Variants in ALOX5 observed in about 807,000 individuals in gnomAD.
The protein encoded by ALOX5 is arachidonate 5-lipoxygenase, also known as polyunsaturated fatty acid 5-lipoxygenase.
ALOX5 carries 64 observed loss-of-function variants against 87.9 expected under a neutral mutation model. The observed-to-expected ratio is 0.73, with a 90% CI of 0.60 to 0.90. The LOEUF (loss-of-function observed/expected upper bound fraction) is 0.90. Ranked by LOEUF, ALOX5 falls within the 40% of genes least tolerant of loss-of-function variation. ALOX5 has a pLI of 0.00. For synonymous variants in ALOX5, 388 were observed against 355.1 expected (o/e 1.09, Z -1.04); for missense variants, 822 against 907.5 (o/e 0.91, Z 1.21).
chr10:45,408,244 G>A (rs554585706), intron 3 of ALOX5, among the ~76,000 whole-genome samples: 2 of 152,278 alleles, frequency 1.3e-5, no homozygotes, highest in African/African-American at 4.8e-5. Context: ...GCAGCCCCAG[G>A]AGATCCTGAG....
At chr10:45,433,454 T>G (rs1159575901) in intron 7 of ALOX5, among the ~76,000 whole-genome samples, 1 of 152,204 alleles carries the variant, frequency 6.6e-6, no homozygotes, top group Non-Finnish European at 1.5e-5. Flanking sequence ...GAGATTGGGA[T>G]ATAATCTACG....
intron 3 of ALOX5, among the ~76,000 whole-genome samples, chr10:45,400,579 A>G (rs559113313): frequency 9.2e-5 from 14 of 152,342 alleles, no homozygotes; most frequent in African/African-American, 3.1e-4. Flanking sequence ...AGCCTGGGTG[A>G]CAGAGCAAGA....
At chr10:45,399,150 G>A (rs1041640748) in intron 3 of ALOX5, among the ~76,000 whole-genome samples, 6 of 152,172 alleles carry the variant, frequency 3.9e-5, no homozygotes, top group Non-Finnish European at 7.3e-5. Context: ...GTTACAACAT[G>A]GATGAATCTC....
chr10:45,416,476 A>G (rs1841293033), intron 4 of ALOX5, among the ~76,000 whole-genome samples: 1 of 152,118 alleles, frequency 6.6e-6, no homozygotes, highest in Non-Finnish European at 1.5e-5. Flanking sequence ...CTACTCTGGG[A>G]TTGGGATTGT....
intron 2 of ALOX5, among the ~76,000 whole-genome samples, chr10:45,392,190 A>G (rs1421380803): frequency 6.6e-6 from 1 of 152,042 alleles, no homozygotes; most frequent in Admixed American, 6.5e-5. Context: ...CCTGGCCACC[A>G]CCCCATCTGG....
chr10:45,383,505 A>G (rs974627090), intron 2 of ALOX5, among the ~76,000 whole-genome samples: 4 of 152,254 alleles, frequency 2.6e-5, no homozygotes, highest in Non-Finnish European at 5.9e-5. Context: ...TTCAAAGGCC[A>G]GGCAGCCACC....
intron 3 of ALOX5, among the ~76,000 whole-genome samples, chr10:45,398,148 T>C (rs1840577844): frequency 6.6e-6 from 1 of 152,208 alleles, no homozygotes; most frequent in African/African-American, 2.4e-5. Flanking sequence ...AGGATAGATA[T>C]ATAGATCAAT....
chr10:45,376,343 G>A (rs1002524994), intron 1 of ALOX5, among the ~76,000 whole-genome samples: 17 of 53,690 alleles, frequency 3.2e-4, no homozygotes, highest in South Asian at 3.0e-3. Context: ...GCGGGGGGTG[G>A]TTGGGGGTGG....
chr10:45,374,351 C>T lies in ALOX5; in HGVS notation c.72C>T (p.Leu24=). 1 of 1,541,336 alleles carries T rather than the reference C, an allele frequency of 6.5e-7. No individual in the cohort carries two copies. The highest frequency in any genetic ancestry group is 1.4e-5 in the African/African-American group (1 of 70,598). ...WFAGTDDYIY[L]SLVGSAGCSE... ...CCGGCACTGACGACTACATCTACCT[C>T]AGCCTCGTGGGCTCGGCGGGCTGCA... Residue 24 remains leucine (L), a synonymous_variant, in exon 1 of 14, where the codon CTC becomes CTT. Transcript: ENST00000374391.
At chr10:45,374,820 G>T (rs1307916050) in intron 1 of ALOX5, among the ~76,000 whole-genome samples, 1 of 152,196 alleles carries the variant, frequency 6.6e-6, no homozygotes, top group Middle Eastern at 3.2e-3. Context: ...TCTTCCTTAG[G>T]CTCCTTCTGC....
intron 3 of ALOX5, among the ~76,000 whole-genome samples, chr10:45,409,848 G>T (rs77632210): frequency 2.1e-4 from 32 of 152,344 alleles, no homozygotes; most frequent in African/African-American, 7.0e-4. Flanking sequence ...TTGGTTTCAG[G>T]GGGGCAGTAG....
chr10:45,438,650 A>G (rs1388889129), intron 7 of ALOX5, among the ~76,000 whole-genome samples: 3 of 152,204 alleles, frequency 2.0e-5, no homozygotes, highest in Non-Finnish European at 4.4e-5. Context: ...CAGGCATCTC[A>G]TGCAAACGGG....
chr10:45,380,263 C>A (rs1460951369), intron 1 of ALOX5, among the ~76,000 whole-genome samples: 1 of 152,238 alleles, frequency 6.6e-6, no homozygotes, highest in Non-Finnish European at 1.5e-5. Flanking sequence ...CCACATGTGG[C>A]TGGACCCAAG....
intron 12 of ALOX5, 57 bp from the exon 13 acceptor site, chr10:45,444,059 G>T: frequency 6.7e-7 from 1 of 1,487,004 alleles, no homozygotes; most frequent in East Asian, 2.5e-5. Context: ...GGCCCAGGGG[G>T]CAGCTGGGCA....
At position 45,374,435 on chromosome 10, in the gene ALOX5, C is replaced by T; in HGVS notation, c.150+6C>T. The T allele has an allele frequency of 1.3e-6, 2 of 1,546,580 alleles. No homozygotes were observed. Among genetic ancestry groups the T allele is most frequent in the Non-Finnish European group, 8.7e-7 (1 of 1,151,292 alleles). On this transcript the variant is annotated splice_donor_region_variant and intron_variant, in intron 1 of 13. Coordinates refer to ENST00000374391, the MANE Select transcript of ALOX5 (RefSeq NM_000698.5). ...ACGACTTCGAGCGTGGCGCGGTGAG[C>T]GCGGGCGGGGCACGGGTGGAGCGCG...
intron 7 of ALOX5, among the ~76,000 whole-genome samples, chr10:45,432,349 G>C (rs749519143): frequency 1.7e-4 from 24 of 143,318 alleles, no homozygotes; most frequent in Non-Finnish European, 2.0e-4. Flanking sequence ...AACAGAGTAA[G>C]ACCCTATCTT....
chr10:45,437,484 T>A (rs1169340203), intron 7 of ALOX5, among the ~76,000 whole-genome samples: 1 of 152,258 alleles, frequency 6.6e-6, no homozygotes, highest in Non-Finnish European at 1.5e-5. Flanking sequence ...TAACTTTTTT[T>A]AAGCCTTTTC....
At chr10:45,385,410 C>T (rs565435701) in intron 2 of ALOX5, among the ~76,000 whole-genome samples, 6 of 152,338 alleles carry the variant, frequency 3.9e-5, no homozygotes, top group South Asian at 2.1e-4. Context: ...GCTCTTCTGC[C>T]GTCAGTCCAG....
intron 7 of ALOX5, among the ~76,000 whole-genome samples, chr10:45,434,960 A>G (rs1350545931): frequency 6.6e-6 from 1 of 152,268 alleles, no homozygotes; most frequent in East Asian, 1.9e-4. Flanking sequence ...CGATAAGCAC[A>G]TATTCTTTTC....
Sources: gnomAD v4.1 joint callset for allele counts (sites outside exome capture counted in the v4.1 genomes callset) on GRCh38, gnomAD v4.1.1 for gene constraint, MANE v1.5 for transcripts, NCBI Gene and HGNC (gene_info 2026-07-23, HGNC 2026-07-21) for gene names.